The following TAF1B variants were observed in gnomAD, a reference collection of about 807,000 sequenced individuals.
TAF1B encodes the protein TATA-box binding protein associated factor, RNA polymerase I subunit B, also known as TATA box-binding protein-associated factor RNA polymerase I subunit B.
A neutral mutation model predicts 83.9 loss-of-function variants in TAF1B; 61 were observed. The observed-to-expected ratio is 0.73, with a 90% CI of 0.59 to 0.90. The LOEUF is 0.90. Among genes scored for constraint, TAF1B ranks in the 40% least tolerant of loss-of-function variants. TAF1B has a pLI of 0.00. For synonymous variants in TAF1B, 221 were observed against 224.6 expected, an observed-to-expected ratio of 0.98 and a Z score of 0.14; for missense variants, 625 against 677.0, an observed-to-expected ratio of 0.92 and a Z score of 0.85.
intron 8 of TAF1B, among the ~76,000 whole-genome samples, chr2:9,883,648 A>G (rs1199752693): frequency 6.6e-6 from 1 of 152,240 alleles, no homozygotes; most frequent in Non-Finnish European, 1.5e-5. Flanking sequence ...AAATTAATGT[A>G]GGAGAACTGC....
At chr2:9,854,705 T>C (rs1663502371) in intron 5 of TAF1B, among the ~76,000 whole-genome samples, 1 of 152,234 alleles carries the variant, frequency 6.6e-6, no homozygotes, top group Non-Finnish European at 1.5e-5. Context: ...TAGAAGATAG[T>C]TTCTATCACT....
Position 9,919,752 on chromosome 2 carries a change from A to G in TAF1B, c.1497A>G (p.Lys499=), listed in dbSNP as rs1241604870. 10 of 1,614,108 alleles carry G rather than the reference A, an allele frequency of 6.2e-6. No individual in the cohort carries two copies. The highest frequency in any genetic ancestry group is 1.1e-5 in the South Asian group (1 of 91,094). The part of the protein sequence containing the change: ...FHGHSLQGVL[K]EKGQSLLTKN... ...GACACAGCCTTCAGGGAGTCCTGAA[A>G]GAGAAAGGCCAATCACTGCTGACTA... Residue 499 remains lysine, a synonymous_variant, in exon 14 of 15, where the codon AAA becomes AAG. Transcript: ENST00000263663.
At chr2:9,908,182 A>G (rs1413042415) in intron 9 of TAF1B, among the ~76,000 whole-genome samples, 1 of 151,106 alleles carries the variant, frequency 6.6e-6, no homozygotes, top group Non-Finnish European at 1.5e-5. Context: ...TGTAGCTGGG[A>G]CTACAGGCGC....
In TAF1B at chr2:9,921,275, G is replaced by C. The variant is rs545661503; in HGVS notation, c.1565+1455G>C. Among the ~76,000 whole-genome samples the C allele has an allele frequency of 7.2e-5, 11 of 152,134 alleles. No individual in the cohort carries two copies. In the South Asian group the frequency reaches 1.9e-3, roughly 26 times the overall value. ...CCCAGCTAATTTTTTATTTTTTGCA[G>C]AGACGAGGGTCTCCCTATGCTGCCC... On this transcript the variant is annotated intron_variant, in intron 14 of 14. Coordinates refer to ENST00000263663, the MANE Select transcript of TAF1B (RefSeq NM_005680.3).
rs202230715 is a variant in TAF1B at position 9,910,867 on chromosome 2, G to A, written c.1087G>A (p.Val363Met). ...KYDVQAVAIIVVVLKLLFLLD... is the reference protein window; with the variant it reads ...KYDVQAVAIIMVVLKLLFLLD... ...CGATGTACAAGCTGTAGCTATCATTGTGGTGGTATTGAAACTGCTCTTTCT... is the reference window on the plus strand; with the variant it reads ...CGATGTACAAGCTGTAGCTATCATTATGGTGGTATTGAAACTGCTCTTTCT... Residue 363 changes from valine to methionine, a missense_variant, in exon 10 of 15, where the codon GTG becomes ATG. Physicochemically the swap from Val to Met is conservative, Grantham distance 21. Transcript: ENST00000263663. 2.5e-6 allele frequency: 4 copies of A among 1,613,048 alleles called. No individual in the cohort carries two copies. Among genetic ancestry groups the A allele is most frequent in the Middle Eastern group, 1.7e-4 (1 of 6,040 alleles).
intron 8 of TAF1B, among the ~76,000 whole-genome samples, chr2:9,891,132 A>G (rs149336446): frequency 2.0e-5 from 3 of 152,352 alleles, no homozygotes; most frequent in East Asian, 1.9e-4. Context: ...TCAGTCAACA[A>G]TGGATCACAT....
intron 8 of TAF1B, among the ~76,000 whole-genome samples, chr2:9,896,642 A>AAAAAAAAAAT (rs66506343): frequency 4.6e-5 from 6 of 130,176 alleles, no homozygotes; most frequent in Non-Finnish European, 9.7e-5. Flanking sequence ...AAAAAAAAAA[A>AAAAAAAAAAT]GCTTTAAAAA....
At chr2:9,919,482 T>G in intron 13 of TAF1B, 116 bp from the exon 14 acceptor site, 1 of 838,508 alleles carries the variant, frequency 1.2e-6, no homozygotes, top group African/African-American at 1.7e-5. Context: ...ATTACTGTGG[T>G]ACATCTGCGA....
intron 12 of TAF1B, 104 bp from the exon 13 acceptor site, chr2:9,918,937 C>A: frequency 9.7e-7 from 1 of 1,026,400 alleles, no homozygotes; most frequent in Non-Finnish European, 1.5e-6. Context: ...CATTCCAAGC[C>A]AGAGCTATAA....
chr2:9,933,776 C>G lies in TAF1B; in HGVS notation c.1566-7C>G. Reference sequence around the variant, plus strand: ...AAGATAAATTCTTTTTTCTTTTTCCCTTCTAGCTATTGTACACATGTGACA... The same window carrying G: ...AAGATAAATTCTTTTTTCTTTTTCCGTTCTAGCTATTGTACACATGTGACA... On this transcript the variant is annotated splice_region_variant and splice_polypyrimidine_tract_variant and intron_variant, in intron 14 of 14. Coordinates refer to ENST00000263663, the MANE Select transcript of TAF1B (RefSeq NM_005680.3). 6.3e-7 allele frequency: 1 copy of G among 1,596,240 alleles called. No individual in the cohort carries two copies. Among genetic ancestry groups the G allele is most frequent in the East Asian group, 2.2e-5 (1 of 44,672 alleles).
At chr2:9,844,700 T>C (rs76246529) in intron 1 of TAF1B, among the ~76,000 whole-genome samples, 9,310 of 152,212 alleles carry the variant, frequency 0.061, 310 homozygotes, top group African/African-American at 0.074. Flanking sequence ...AGACTAGGGA[T>C]CATGTCTGGT....
chr2:9,868,474 C>T (rs1664066692), intron 6 of TAF1B, 45 bp downstream of exon 6: 2 of 1,580,610 alleles, frequency 1.3e-6, no homozygotes, highest in Non-Finnish European at 1.7e-6. Flanking sequence ...AGCTGTTATG[C>T]CCCTTAAAAA....
At chr2:9,843,733 G>A in intron 1 of TAF1B, 174 bp downstream of exon 1, 1 of 642,418 alleles carries the variant, frequency 1.6e-6, no homozygotes, top group Non-Finnish European at 2.5e-6. Context: ...CCGCATGCGC[G>A]CGCGGCTTTG....
At chr2:9,899,539 T>C (rs1377853717) in intron 8 of TAF1B, among the ~76,000 whole-genome samples, 2 of 152,230 alleles carry the variant, frequency 1.3e-5, no homozygotes, top group Non-Finnish European at 2.9e-5. Context: ...TTGTGAGCAG[T>C]GCCAGTAGGA....
At chr2:9,856,287 A>G (rs889621753) in intron 5 of TAF1B, among the ~76,000 whole-genome samples, 5 of 151,896 alleles carry the variant, frequency 3.3e-5, no homozygotes, top group African/African-American at 9.7e-5. Flanking sequence ...GTGGGGGCCA[A>G]CCTGAGAAAG....
chr2:9,907,298 T>G (rs1402723268), intron 9 of TAF1B, among the ~76,000 whole-genome samples: 1 of 151,874 alleles, frequency 6.6e-6, no homozygotes, highest in East Asian at 1.9e-4. Context: ...AAACCACCCA[T>G]ACATAAGATT....
chr2:9,856,099 G>C (rs946112462), intron 5 of TAF1B, among the ~76,000 whole-genome samples: 2 of 152,182 alleles, frequency 1.3e-5, no homozygotes, highest in South Asian at 2.1e-4. Context: ...CCAGAGTTGA[G>C]AGACCCAGTA....
intron 2 of TAF1B, among the ~76,000 whole-genome samples, chr2:9,846,535 A>G (rs1663212462): frequency 6.6e-6 from 1 of 152,232 alleles, no homozygotes; most frequent in South Asian, 2.1e-4. Flanking sequence ...TCTGGCTAAG[A>G]TGGACTAACA....
At chr2:9,855,322 A>C (rs1412036625) in intron 5 of TAF1B, among the ~76,000 whole-genome samples, 3 of 152,224 alleles carry the variant, frequency 2.0e-5, no homozygotes, top group Non-Finnish European at 4.4e-5. Flanking sequence ...TGTGTGGTAC[A>C]GATGCCCCTT....
Sources: allele counts gnomAD v4.1 joint callset (sites outside exome capture counted in the v4.1 genomes callset), GRCh38; gene constraint gnomAD v4.1.1; transcripts MANE v1.5; gene names NCBI Gene and HGNC (gene_info 2026-07-23, HGNC 2026-07-21).